Variants in CFAP74 observed in about 807,000 individuals in gnomAD.
CFAP74 encodes the protein cilia- and flagella-associated protein 74.
A neutral mutation model predicts 188.9 loss-of-function variants in CFAP74; 124 were observed. The observed-to-expected ratio is 0.66, with a 90% CI of 0.57 to 0.76. CFAP74 has a LOEUF of 0.76. Among genes scored for constraint, CFAP74 ranks in the 30% least tolerant of loss-of-function variants. CFAP74 has a pLI of 0.00. For missense variants in CFAP74, 2,198 were observed against 2,165.2 expected (o/e 1.02, Z -0.30); for synonymous variants, 956 against 916.7 (o/e 1.04, Z -0.77).
intron 30 of CFAP74, 58 bp downstream of exon 30, chr1:1,926,594 G>A: frequency 1.9e-6 from 3 of 1,546,514 alleles, no homozygotes; most frequent in Middle Eastern, 1.7e-4. Flanking sequence ...GGGGCTGGGG[G>A]AGGCGTGGGT....
chr1:1,924,183 GC>G (rs201612731), intron 34 of CFAP74, among the ~76,000 whole-genome samples: 14,247 of 22,764 alleles, frequency 0.63, 5,073 homozygotes, highest in Admixed American at 0.7. Flanking sequence ...CTCACCAACT[GC>G]CCCCCACCCA....
At position 1,935,253 on chromosome 1, in the gene CFAP74, A is replaced by G. The variant is rs144739748; in HGVS notation, c.3011+3602T>C. On this transcript the variant is annotated intron_variant, in intron 25 of 38. Transcript: ENST00000682832. ...GTGTGTACGTGGGTGTTAGGCTGTA[A>G]GTACACACGTGTGTATGTGGGTGTT... is the stretch of plus-strand genomic sequence containing the variant. Among the ~76,000 whole-genome samples the G allele has an allele frequency of 8.8e-4, 46 of 51,994 alleles. 3 individuals carry two copies. Among genetic ancestry groups the G allele is most frequent in the South Asian group, 1.8e-3 (2 of 1,130 alleles). 34.1% of individuals were successfully genotyped at this position (51,994 alleles called of 152,430 possible).
In CFAP74 at chr1:1,973,614, G is replaced by A. The variant is rs1656236978; in HGVS notation, c.674+411C>T. Among the ~76,000 whole-genome samples, 1 of 151,996 alleles carries A rather than the reference G, an allele frequency of 6.6e-6. No individual in the cohort carries two copies. The highest frequency in any genetic ancestry group is 6.6e-5 in the Admixed American group (1 of 15,254). On this transcript the variant is annotated intron_variant, in intron 7 of 38. Coordinates refer to ENST00000682832, the MANE Select transcript of CFAP74 (RefSeq NM_001304360.2). The surrounding 1 kb of genome is among the most constrained non-coding windows in gnomAD (Gnocchi z 6.2). ...GAAGACGTGTGGGGAATGGGCCTGA[G>A]TGCTCCACAGCCACGCAGGTGGGGG...
rs1447449792 is a variant in CFAP74, at chr1:1,935,424, A to G, written c.3011+3431T>C. On this transcript the variant is annotated intron_variant, in intron 25 of 38. Coordinates refer to ENST00000682832, the MANE Select transcript of CFAP74 (RefSeq NM_001304360.2). ...TCTGTATGTGTGGGTGTTAGGTTGT[A>G]GGTACACACGTGTGTACGTGGGTGT... Among the ~76,000 whole-genome samples the G allele has an allele frequency of 1.5e-4, 14 of 90,750 alleles. 4 individuals are homozygous for G. The highest frequency in any genetic ancestry group is 7.8e-4 in the Admixed American group (6 of 7,736). 59.5% of individuals were successfully genotyped at this position (90,750 alleles called of 152,430 possible).
chr1:1,922,907 C>T (rs1651498616), intron 37 of CFAP74, 78 bp downstream of exon 37: 7 of 1,510,176 alleles, frequency 4.6e-6, no homozygotes, highest in Non-Finnish European at 6.2e-6. Context: ...AGGGGCAAGG[C>T]CAGGAGGGTC....
intron 1 of CFAP74, among the ~76,000 whole-genome samples, chr1:1,992,043 A>C (rs1428798444): frequency 2.0e-5 from 3 of 152,088 alleles, no homozygotes; most frequent in Non-Finnish European, 2.9e-5. Context: ...CCGTCTCAAA[A>C]AAAAAAAAAT....
intron 6 of CFAP74, among the ~76,000 whole-genome samples, chr1:1,978,414 C>A (rs190837378): frequency 7.0e-4 from 106 of 151,490 alleles, no homozygotes; most frequent in African/African-American, 2.4e-3. Context: ...CGTGTCTCAG[C>A]GGGGATGGGT....
At chr1:1,940,927 A>G (rs1653323802) in intron 22 of CFAP74, among the ~76,000 whole-genome samples, 1 of 152,092 alleles carries the variant, frequency 6.6e-6, no homozygotes, top group African/African-American at 2.4e-5. Flanking sequence ...CCTGCCTAAC[A>G]CGGTGAAACC....
At chr1:1,958,589 T>C (rs1654838417) in intron 16 of CFAP74, among the ~76,000 whole-genome samples, 1 of 151,826 alleles carries the variant, frequency 6.6e-6, no homozygotes, top group African/African-American at 2.4e-5. Context: ...CATGCTGAAG[T>C]TTCTGAGGGT....
rs1436969477 is a variant in CFAP74 at position 1,923,862 on chromosome 1, C to T, written c.4302G>A (p.Gly1434=). 1.2e-6 allele frequency: 2 copies of T among 1,613,300 alleles called. No individual in the cohort carries two copies. Among genetic ancestry groups the T allele is most frequent in the Admixed American group, 3.3e-5 (2 of 59,996 alleles). Residue 1434 remains glycine (G), a synonymous_variant, in exon 35 of 39, where the codon GGG becomes GGA. Coordinates refer to ENST00000682832, the MANE Select transcript of CFAP74 (RefSeq NM_001304360.2). The surrounding 1 kb of genome is among the most constrained non-coding windows in gnomAD (Gnocchi z 6.3). ...VAPVKGVMDP[G]KTQDFTVTFS... ...AGGTGACAGTGAAGTCTTGTGTCTT[C>T]CCGGGGTCCATGACGCCCTTGACGG...
chr1:1,931,236 C>T (rs2474449), intron 25 of CFAP74, among the ~76,000 whole-genome samples: 151,651 of 151,662 alleles, frequency 1, 75,820 homozygotes, highest in Middle Eastern at 1. Flanking sequence ...GAGACCATCC[C>T]GGCTAACACG....
chr1:1,943,515 G>A (rs1653532990), intron 21 of CFAP74, among the ~76,000 whole-genome samples: 1 of 152,238 alleles, frequency 6.6e-6, no homozygotes, highest in African/African-American at 2.4e-5. Context: ...GTGGCACAGG[G>A]GCTCCGTCAT....
Position 1,935,395 on chromosome 1 carries a change from C to T in CFAP74, c.3011+3460G>A, listed in dbSNP as rs1433521118. On this transcript the variant is annotated intron_variant, in intron 25 of 38. Coordinates refer to ENST00000682832, the MANE Select transcript of CFAP74 (RefSeq NM_001304360.2). ...ATGTGGGTGTTAGGTTATAGGTACA[C>T]ACGTCTGTATGTGTGGGTGTTAGGT... is the stretch of plus-strand genomic sequence containing the variant. 6.6e-5 allele frequency among the ~76,000 whole-genome samples: 6 copies of T among 90,694 alleles called. 2 individuals are homozygous for T. Among genetic ancestry groups the T allele is most frequent in the African/African-American group, 2.4e-4 (6 of 24,972 alleles). 59.5% of individuals were successfully genotyped at this position (90,694 alleles called of 152,430 possible). A position where few individuals can be genotyped will look rare whatever the true frequency, so the allele number is the denominator to read the frequency against.
intron 6 of CFAP74, among the ~76,000 whole-genome samples, chr1:1,978,178 A>G (rs1656571737): frequency 1.3e-5 from 2 of 152,246 alleles, no homozygotes; most frequent in Non-Finnish European, 2.9e-5. Context: ...GTGTGACCAC[A>G]TATAGAAGAC....
At chr1:1,933,272 C>T (rs571343161) in intron 25 of CFAP74, among the ~76,000 whole-genome samples, 2 of 151,356 alleles carry the variant, frequency 1.3e-5, no homozygotes, top group Non-Finnish European at 2.9e-5. Flanking sequence ...CAAGCTCTGC[C>T]TCCTGGGTTC....
At chr1:1,929,065 G>A (rs141475586) in intron 26 of CFAP74, among the ~76,000 whole-genome samples, 183 bp from the exon 27 acceptor site, 230 of 152,102 alleles carry the variant, frequency 1.5e-3, no homozygotes, top group African/African-American at 5.3e-3. Context: ...GAGGCTGGGC[G>A]GGCTGCAGGC....
intron 1 of CFAP74, 70 bp downstream of exon 1, chr1:2,003,631 T>G (rs898468899): frequency 6.6e-6 from 1 of 152,236 alleles, no homozygotes; most frequent in East Asian, 1.9e-4. Flanking sequence ...GACGGAGTTC[T>G]GCCTGGGGGG....
intron 1 of CFAP74, among the ~76,000 whole-genome samples, chr1:1,991,933 G>C (rs549207277): frequency 1.3e-5 from 2 of 150,988 alleles, no homozygotes; most frequent in Non-Finnish European, 1.5e-5. Flanking sequence ...CCAGCTACTC[G>C]GGAGGCTGAG....
chr1:1,936,772 C>T (rs549971712), intron 25 of CFAP74, among the ~76,000 whole-genome samples: 3 of 151,224 alleles, frequency 2.0e-5, no homozygotes, highest in South Asian at 2.1e-4. Flanking sequence ...GGCATGGTGG[C>T]GTGTTCCTGT....
Sources: gnomAD v4.1 joint callset for allele counts (sites outside exome capture counted in the v4.1 genomes callset) on GRCh38, gnomAD v4.1.1 for gene constraint, Gnocchi (gnomAD v3.1) non-coding constraint, MANE v1.5 for transcripts, NCBI Gene and HGNC (gene_info 2026-07-23, HGNC 2026-07-21) for gene names.